FAM167A: variants seen among roughly 807,000 people sequenced by gnomAD.
FAM167A encodes family with sequence similarity 167 member A, also known as protein FAM167A.
A neutral mutation model predicts 14.9 loss-of-function variants in FAM167A; 23 were observed. That is an observed-to-expected ratio of 1.55 (90% confidence interval 1.11 to 2.19). The LOEUF is 2.19. FAM167A is among the 30% of genes most tolerant of loss of function. FAM167A has a pLI of 0.00. For synonymous variants in FAM167A, 174 were observed against 117.7 expected (o/e 1.48, Z -3.10); for missense variants, 401 against 281.5 (o/e 1.42, Z -3.04).
intron 1 of FAM167A, among the ~76,000 whole-genome samples, chr8:11,455,078 A>G (rs1807177661): frequency 6.6e-6 from 1 of 152,152 alleles, no homozygotes; most frequent in Admixed American, 6.5e-5. Flanking sequence ...TCCTGCCGAG[A>G]CCTGACCCCG....
At chr8:11,438,264 C>T (rs1454317169) in intron 2 of FAM167A, 4 of 405,008 alleles carry the variant, frequency 9.9e-6, no homozygotes, top group South Asian at 7.3e-5. Flanking sequence ...CCCTGCAAGA[C>T]AGCCAGGAAA....
At chr8:11,426,493 C>T (rs1292751799) in intron 2 of FAM167A, among the ~76,000 whole-genome samples, 1 of 152,224 alleles carries the variant, frequency 6.6e-6, no homozygotes, top group African/African-American at 2.4e-5. Context: ...TGGCTTCACA[C>T]TCCCAGTTTC....
intron 2 of FAM167A, chr8:11,433,938 G>C (rs556159472): frequency 2.0e-5 from 3 of 152,016 alleles, no homozygotes; most frequent in South Asian, 2.1e-4. Flanking sequence ...TATTATTTTC[G>C]TCAGTGTTGT....
chr8:11,421,630 TC>T lies in FAM167A; in HGVS notation c.*2742del. ...TTGCTACAGGGTGTGGGTCTTGAACTCGGTCAGGCATCGTCAAGCCTGCCCA... is the reference window on the plus strand; with the variant it reads ...TTGCTACAGGGTGTGGGTCTTGAACTGGTCAGGCATCGTCAAGCCTGCCCA... On this transcript the variant is annotated 3_prime_UTR_variant, in exon 3 of 3. Coordinates refer to ENST00000284486, the MANE Select transcript of FAM167A (RefSeq NM_053279.3). 2.5e-6 allele frequency: 1 copy of T among 398,686 alleles called. No homozygotes were observed. Among genetic ancestry groups the T allele is most frequent in the Non-Finnish European group, 4.4e-6 (1 of 226,056 alleles). The allele number at this position is 398,686 out of a possible 1,614,324, so 24.7% of individuals were successfully genotyped here.
rs547572028 is a variant in FAM167A at position 11,444,049 on chromosome 8, G to A, written c.363C>T (p.Ala121=). 2 of 1,613,198 alleles carry A rather than the reference G, an allele frequency of 1.2e-6. No homozygotes were observed. Among genetic ancestry groups the A allele is most frequent in the Admixed American group, 1.7e-5 (1 of 59,994 alleles). Residue 121 remains alanine, a synonymous_variant, in exon 2 of 3, where the codon GCC becomes GCT. Transcript: ENST00000284486. ...CACTCACCAGTTCCTTCCTGAGCCA[G>A]GCTATAGCTTCATCGATGCTCTGAA... is the stretch of plus-strand genomic sequence containing the variant. The part of the protein sequence containing the change: ...EGFQSIDEAI[A]WLRKELTEMR...
chr8:11,448,006 C>A (rs1382439946), intron 1 of FAM167A, among the ~76,000 whole-genome samples: 1 of 152,064 alleles, frequency 6.6e-6, no homozygotes, highest in South Asian at 2.1e-4. Context: ...CCAGCCTGAC[C>A]AACATAGTGA....
rs144803818 is a variant in FAM167A, at chr8:11,426,047, C to A, written c.382-1411G>T. Among the ~76,000 whole-genome samples the A allele has an allele frequency of 2.3e-3, 355 of 152,298 alleles. 6 individuals are homozygous for A. The highest frequency in any genetic ancestry group is 1.4e-3 in the Non-Finnish European group (93 of 68,028). On this transcript the variant is annotated intron_variant, in intron 2 of 2. Coordinates refer to ENST00000284486, the MANE Select transcript of FAM167A (RefSeq NM_053279.3). ...ATCTATTTTCTCTAAAGGCTTCTACCTGGAGGCTTCATCTACATAACAAGA... is the reference window on the plus strand; with the variant it reads ...ATCTATTTTCTCTAAAGGCTTCTACATGGAGGCTTCATCTACATAACAAGA...
chr8:11,443,896 T>C, intron 2 of FAM167A, 135 bp downstream of exon 2: 2 of 1,121,962 alleles, frequency 1.8e-6, no homozygotes, highest in Non-Finnish European at 1.3e-6. Context: ...AGATTACAGA[T>C]GTGCACTTGG....
At chr8:11,464,297 G>C (rs1807663799) in intron 1 of FAM167A, among the ~76,000 whole-genome samples, 1 of 152,198 alleles carries the variant, frequency 6.6e-6, no homozygotes, top group South Asian at 2.1e-4. Context: ...GTCCTAACCA[G>C]GGAAAAGCTG....
At position 11,424,378 on chromosome 8, in the gene FAM167A, A is replaced by G. The variant is rs761098784; in HGVS notation, c.640T>C (p.Cys214Arg). The G allele has an allele frequency of 3.7e-6, 6 of 1,613,934 alleles. No individual in the cohort carries two copies. The highest frequency in any genetic ancestry group is 1.3e-5 in the African/African-American group (1 of 74,886). The change falls in exon 3 of 3, where the codon TGC becomes CGC. Residue 214 changes from cysteine to arginine, a missense_variant. Coordinates refer to ENST00000284486, the MANE Select transcript of FAM167A (RefSeq NM_053279.3). ...MNINSRRFSL[C>R] ...CCGCCCAGTCTGAGGGCTCCTCAGCAGAGAGAGAACCTCCGAGAGTTGATG... is the reference window on the plus strand; with the variant it reads ...CCGCCCAGTCTGAGGGCTCCTCAGCGGAGAGAGAACCTCCGAGAGTTGATG...
At chr8:11,434,875 GA>G (rs1372425318) in intron 2 of FAM167A, 2 of 372,580 alleles carry the variant, frequency 5.4e-6, no homozygotes, top group African/African-American at 4.2e-5. Flanking sequence ...TACACCCAAG[GA>G]AGACATTCTG....
At chr8:11,469,427 A>G (rs1807886192), upstream of FAM167A, among the ~76,000 whole-genome samples, 1 of 152,206 alleles carries the variant, frequency 6.6e-6, no homozygotes, top group South Asian at 2.1e-4. Flanking sequence ...TGGTGGGAGG[A>G]TCTGGGTGGG....
intron 1 of FAM167A, among the ~76,000 whole-genome samples, chr8:11,474,997 T>A (rs1462935558): frequency 6.6e-6 from 1 of 152,078 alleles, no homozygotes; most frequent in East Asian, 1.9e-4. Flanking sequence ...CAGCCAAGTG[T>A]CCTGGAGTGA....
chr8:11,423,779 C>G lies in FAM167A; in HGVS notation c.*594G>C, dbSNP rs1406025200. 6.3e-6 allele frequency: 1 copy of G among 158,732 alleles called. No individual in the cohort carries two copies. The allele number at this position is 158,732 out of a possible 1,614,324, so 9.8% of individuals were successfully genotyped here. A position where few individuals can be genotyped will look rare whatever the true frequency, so the allele number is the denominator to read the frequency against. On this transcript the variant is annotated 3_prime_UTR_variant, in exon 3 of 3. Transcript: ENST00000284486. ...ACACAGCCTTATAGTGTCAGGCTCA[C>G]CAGAGACACTGGCTGCCAGCCACTG...
chr8:11,423,619 G>C lies in FAM167A; in HGVS notation c.*754C>G, dbSNP rs977861910. On this transcript the variant is annotated 3_prime_UTR_variant, in exon 3 of 3. Coordinates refer to ENST00000284486, the MANE Select transcript of FAM167A (RefSeq NM_053279.3). ...TGGTCTCCCAGGCTGTCACCCTGGG[G>C]TGTGGGTGGCAGTGAAGAGGCTCTT... is the stretch of plus-strand genomic sequence containing the variant. The C allele has an allele frequency of 6.6e-6, 1 of 152,316 alleles. No homozygotes were observed. Among genetic ancestry groups the C allele is most frequent in the Non-Finnish European group, 1.5e-5 (1 of 68,108 alleles). The allele number at this position is 152,316 out of a possible 1,614,324, so 9.4% of individuals were successfully genotyped here.
chr8:11,444,545 C>T lies in FAM167A; in HGVS notation c.-134G>A, dbSNP rs563680974. On this transcript the variant is annotated 5_prime_UTR_variant, in exon 2 of 3. Transcript: ENST00000284486. ...CCGAGGGCATTTCCGGGACAGGAGC[C>T]GGCCTCAGAGGCTGGGTGGCAGGGG... The T allele has an allele frequency of 3.5e-5, 52 of 1,468,424 alleles. No individual in the cohort carries two copies. In the African/African-American group the frequency reaches 4.4e-4, roughly 12 times the overall value. The allele number at this position is 1,468,424 out of a possible 1,614,324, so 91.0% of individuals were successfully genotyped here.
chr8:11,435,061 G>C (rs1295543030), intron 2 of FAM167A: 2 of 456,734 alleles, frequency 4.4e-6, no homozygotes, highest in African/African-American at 2.0e-5. Flanking sequence ...CCACTCAAGA[G>C]GCTGATGGGC....
intron 1 of FAM167A, among the ~76,000 whole-genome samples, chr8:11,453,737 C>G (rs1343723464): frequency 6.6e-6 from 1 of 152,154 alleles, no homozygotes; most frequent in Non-Finnish European, 1.5e-5. Context: ...ATAGCCAGCT[C>G]TGTCTTGGTT....
chr8:11,448,226 C>CAAGACAGGG (rs201659664), intron 1 of FAM167A, among the ~76,000 whole-genome samples: 2,204 of 150,002 alleles, frequency 0.015, 49 homozygotes, highest in African/African-American at 0.05. Flanking sequence ...CTAAGAATTT[C>CAAGACAGGG]AAGACAGGGA....
Sources: allele counts gnomAD v4.1 joint callset (sites outside exome capture counted in the v4.1 genomes callset), GRCh38; gene constraint gnomAD v4.1.1; transcripts MANE v1.5; gene names NCBI Gene and HGNC (gene_info 2026-07-23, HGNC 2026-07-21).